Variants in GDI2 observed in about 807,000 individuals in gnomAD.
The protein encoded by GDI2 is rab GDP dissociation inhibitor beta.
In GDI2, 22 loss-of-function variants were observed where a neutral mutation model predicts 54.2. The ratio of observed to expected loss-of-function variants is 0.41; its 90% CI spans 0.29 to 0.58. The LOEUF is 0.58. Ranked by LOEUF, GDI2 falls within the 20% of genes least tolerant of loss-of-function variation. The probability of loss-of-function intolerance (pLI) is 0.35; values close to 1 mark genes in which losing one functional copy is unlikely to be tolerated. For missense variants in GDI2, 422 were observed against 546.0 expected, an observed-to-expected ratio of 0.77 and a Z score of 2.26; for synonymous variants, 177 against 182.1, an observed-to-expected ratio of 0.97 and a Z score of 0.23.
At chr10:5,786,449 G>C (rs968007744) in intron 4 of GDI2, among the ~76,000 whole-genome samples, 1 of 151,992 alleles carries the variant, frequency 6.6e-6, no homozygotes, top group Admixed American at 6.6e-5. Context: ...TTACAGGCAT[G>C]AGCCACCGCG....
chr10:5,778,024 C>G (rs577004213), intron 6 of GDI2, among the ~76,000 whole-genome samples: 9 of 152,312 alleles, frequency 5.9e-5, no homozygotes, highest in Non-Finnish European at 1.2e-4. Flanking sequence ...TCTCAGTTAA[C>G]TAACACAGGA....
In GDI2 at chr10:5,768,990, A is replaced by T. The variant is rs1220015275; in HGVS notation, c.820-606T>A. ...GAAAACAGGATTTCATGAAAATTTTAAAAATCTTGTGCATAGCCAGGCATG... is the reference window on the plus strand; with the variant it reads ...GAAAACAGGATTTCATGAAAATTTTTAAAATCTTGTGCATAGCCAGGCATG... On this transcript the variant is annotated intron_variant, in intron 7 of 10. Coordinates refer to ENST00000380191, the MANE Select transcript of GDI2 (RefSeq NM_001494.4). The surrounding 1 kb of genome is among the most constrained non-coding windows in gnomAD (Gnocchi z 4.4). 6.6e-6 allele frequency: 1 copy of T among 152,242 alleles called. No homozygotes were observed. Among genetic ancestry groups the T allele is most frequent in the East Asian group, 1.9e-4 (1 of 5,202 alleles). 9.4% of individuals were successfully genotyped at this position (152,242 alleles called of 1,614,324 possible). A position where few individuals can be genotyped will look rare whatever the true frequency, so the allele number is the denominator to read the frequency against.
intron 1 of GDI2, chr10:5,811,852 A>G (rs1200259538): frequency 1.4e-6 from 1 of 696,094 alleles, no homozygotes; most frequent in South Asian, 1.6e-5. Flanking sequence ...CCAGAAAAAC[A>G]CGATTCTAAT....
intron 4 of GDI2, among the ~76,000 whole-genome samples, chr10:5,788,511 T>C (rs923982443): frequency 6.6e-6 from 1 of 152,184 alleles, no homozygotes; most frequent in Non-Finnish European, 1.5e-5. Context: ...TGTCCAATTT[T>C]TTGGCTTCCC....
At chr10:5,812,603 TA>T (rs1262474997) in intron 1 of GDI2, among the ~76,000 whole-genome samples, 2 of 152,164 alleles carry the variant, frequency 1.3e-5, no homozygotes, top group African/African-American at 4.8e-5. Flanking sequence ...GGAGGGTGGC[TA>T]AAAGGATTCA....
intron 2 of GDI2, among the ~76,000 whole-genome samples, chr10:5,800,118 A>AT (rs1841235722): frequency 6.6e-6 from 1 of 152,204 alleles, no homozygotes; most frequent in Non-Finnish European, 1.5e-5. Flanking sequence ...AAAACAATCA[A>AT]TATATTAAAA....
intron 1 of GDI2, among the ~76,000 whole-genome samples, chr10:5,806,518 T>G (rs1160673861): frequency 6.6e-6 from 1 of 152,206 alleles, no homozygotes; most frequent in Non-Finnish European, 1.5e-5. Context: ...TTTTTCTCGC[T>G]GCTTTATAAA....
At chr10:5,782,022 G>T (rs1444196310) in intron 6 of GDI2, among the ~76,000 whole-genome samples, 1 of 152,008 alleles carries the variant, frequency 6.6e-6, no homozygotes, top group Non-Finnish European at 1.5e-5. Flanking sequence ...CAAAAAAAAA[G>T]TTAACACTTA....
intron 4 of GDI2, among the ~76,000 whole-genome samples, chr10:5,787,842 AG>A (rs1425475024): frequency 1.3e-5 from 2 of 152,256 alleles, no homozygotes; most frequent in Non-Finnish European, 2.9e-5. Flanking sequence ...TTTATTTAAT[AG>A]AAACCTGAGT....
intron 8 of GDI2, among the ~76,000 whole-genome samples, chr10:5,767,913 T>C (rs1421181266): frequency 1.3e-5 from 2 of 152,144 alleles, no homozygotes; most frequent in Admixed American, 6.5e-5. Flanking sequence ...AGTTAACTAT[T>C]AAGCATAAAC....
chr10:5,800,409 C>A (rs972177794), intron 2 of GDI2, among the ~76,000 whole-genome samples, 189 bp downstream of exon 2: 6 of 152,224 alleles, frequency 3.9e-5, no homozygotes, highest in African/African-American at 1.2e-4. Context: ...GAGATAACTG[C>A]TCCACATAGC....
At chr10:5,810,708 ATTATCCAAAAGCTGTGCTC>A (rs1841465889) in intron 1 of GDI2, among the ~76,000 whole-genome samples, 1 of 152,240 alleles carries the variant, frequency 6.6e-6, no homozygotes. Context: ...TTAGAAAGGC[ATTATCCAAAAGCTGTGCTC>A]TTTAGAGATA....
intron 2 of GDI2, among the ~76,000 whole-genome samples, chr10:5,799,275 T>A (rs1841213971): frequency 6.7e-6 from 1 of 148,322 alleles, no homozygotes; most frequent in Non-Finnish European, 1.5e-5. Context: ...AGTTCAAGGC[T>A]ACAGCAAGCT....
chr10:5,782,240 G>A (rs1429314799), intron 6 of GDI2, among the ~76,000 whole-genome samples: 1 of 152,148 alleles, frequency 6.6e-6, no homozygotes, highest in Non-Finnish European at 1.5e-5. Context: ...AGCAACATGA[G>A]TCAAGAAATA....
At chr10:5,806,297 G>A (rs979736176) in intron 1 of GDI2, among the ~76,000 whole-genome samples, 8 of 151,384 alleles carry the variant, frequency 5.3e-5, no homozygotes, top group Non-Finnish European at 1.0e-4. Flanking sequence ...ATTAGGGACC[G>A]GGCATGGTGG....
intron 6 of GDI2, among the ~76,000 whole-genome samples, chr10:5,781,224 T>A (rs1338715035): frequency 2.0e-5 from 3 of 148,620 alleles, no homozygotes; most frequent in Admixed American, 6.7e-5. Context: ...ACCAACACTG[T>A]CTCAAGATGA....
At chr10:5,782,074 T>C (rs1840770519) in intron 6 of GDI2, among the ~76,000 whole-genome samples, 1 of 152,156 alleles carries the variant, frequency 6.6e-6, no homozygotes, top group South Asian at 2.1e-4. Flanking sequence ...GAAAATATTC[T>C]TAATACATAT....
intron 2 of GDI2, among the ~76,000 whole-genome samples, chr10:5,797,716 A>G (rs1245305239): frequency 6.6e-6 from 1 of 151,726 alleles, no homozygotes; most frequent in Non-Finnish European, 1.5e-5. Flanking sequence ...CTCCAGCCTG[A>G]GTGACAAAGC....
At chr10:5,784,365 C>A (rs1840826342) in intron 6 of GDI2, among the ~76,000 whole-genome samples, 1 of 152,158 alleles carries the variant, frequency 6.6e-6, no homozygotes. Context: ...TTGGACTTCA[C>A]CTTTCTCTCG....
Sources: allele counts gnomAD v4.1 joint callset (sites outside exome capture counted in the v4.1 genomes callset), GRCh38; gene constraint gnomAD v4.1.1; non-coding constraint Gnocchi (gnomAD v3.1); transcripts MANE v1.5; gene names NCBI Gene and HGNC (gene_info 2026-07-23, HGNC 2026-07-21).